NPR3: variants seen among roughly 807,000 people sequenced by gnomAD.
The protein encoded by NPR3 is natriuretic peptide receptor 3.
A neutral mutation model predicts 54.5 loss-of-function variants in NPR3; 34 were observed. The observed-to-expected ratio is 0.62, with a 90% CI of 0.47 to 0.83. The LOEUF is 0.83. NPR3 is among the 40% of genes least tolerant of loss of function. The pLI is 0.00. For synonymous variants in NPR3, 289 were observed against 297.1 expected, an observed-to-expected ratio of 0.97 and a Z score of 0.28; for missense variants, 674 against 720.8, an observed-to-expected ratio of 0.94 and a Z score of 0.74.
chr5:32,751,076 A>T (rs1440481683), intron 3 of NPR3, among the ~76,000 whole-genome samples: 5 of 152,160 alleles, frequency 3.3e-5, no homozygotes, highest in African/African-American at 1.2e-4. Flanking sequence ...TTCCCAGTGT[A>T]AGGAGACTTT....
intron 1 of NPR3, among the ~76,000 whole-genome samples, chr5:32,697,210 A>G (rs529508163): frequency 9.2e-5 from 14 of 152,158 alleles, no homozygotes; most frequent in Non-Finnish European, 1.8e-4. Flanking sequence ...ATTATATTCA[A>G]TGCTTTTTCA....
chr5:32,764,211 A>G (rs2112021514), intron 3 of NPR3, among the ~76,000 whole-genome samples: 1 of 152,248 alleles, frequency 6.6e-6, no homozygotes, highest in Admixed American at 6.5e-5. Flanking sequence ...GCAGAAGTTT[A>G]TGAAAGACTT....
chr5:32,775,167 G>A (rs1445700683), intron 4 of NPR3, among the ~76,000 whole-genome samples: 2 of 152,188 alleles, frequency 1.3e-5, no homozygotes, highest in Non-Finnish European at 2.9e-5. Context: ...TTTAAAACCA[G>A]TATTAATCCC....
chr5:32,713,312 A>G (rs1247736120), intron 1 of NPR3: 1 of 985,232 alleles, frequency 1.0e-6, no homozygotes, highest in Non-Finnish European at 1.2e-6. Flanking sequence ...AGTTTTCTCC[A>G]TGGGTCTTTG....
chr5:32,721,507 G>A (rs1442347078), intron 1 of NPR3, among the ~76,000 whole-genome samples: 1 of 152,130 alleles, frequency 6.6e-6, no homozygotes, highest in African/African-American at 2.4e-5. Context: ...GCCGGGTGTG[G>A]TAACATGCAC....
chr5:32,762,222 T>C (rs1561118682), intron 3 of NPR3, among the ~76,000 whole-genome samples: 1 of 152,136 alleles, frequency 6.6e-6, no homozygotes, highest in Non-Finnish European at 1.5e-5. Flanking sequence ...GTTCCAAGTC[T>C]TTGCTGTTGT....
chr5:32,772,302 G>T (rs1259853760), intron 3 of NPR3, among the ~76,000 whole-genome samples: 2 of 152,210 alleles, frequency 1.3e-5, no homozygotes, highest in African/African-American at 4.8e-5. Flanking sequence ...AGAGCTCTCT[G>T]AAGTGAGATG....
chr5:32,691,693 AC>A (rs1198373047), intron 1 of NPR3, among the ~76,000 whole-genome samples: 1 of 152,218 alleles, frequency 6.6e-6, no homozygotes, highest in African/African-American at 2.4e-5. Context: ...AAACACATAT[AC>A]CTTTGAGCTA....
chr5:32,760,092 A>G (rs1741076600), intron 3 of NPR3, among the ~76,000 whole-genome samples: 1 of 149,536 alleles, frequency 6.7e-6, no homozygotes, highest in African/African-American at 2.5e-5. Context: ...TAAATACGCC[A>G]TGATTTGTTT....
At chr5:32,721,938 T>C (rs931639933) in intron 1 of NPR3, among the ~76,000 whole-genome samples, 17 of 152,176 alleles carry the variant, frequency 1.1e-4, no homozygotes, top group Admixed American at 3.3e-4. Context: ...AGGTCTCTCT[T>C]CCTCTTCTTC....
chr5:32,703,941 A>G (rs1455480574), intron 1 of NPR3, among the ~76,000 whole-genome samples: 1 of 152,236 alleles, frequency 6.6e-6, no homozygotes, highest in Non-Finnish European at 1.5e-5. Flanking sequence ...CACAAATTGC[A>G]GTCCCTGTGG....
rs1195648214 is a variant in NPR3, at chr5:32,711,917, G to T, written c.141G>T (p.Ala47=). Reference sequence around the variant, plus strand: ...GCGGCGGACGCCAGGAGAGAGAGGCGCTGCCGCCACAGAAGATCGAGGTGC... The same window carrying T: ...GCGGCGGACGCCAGGAGAGAGAGGCTCTGCCGCCACAGAAGATCGAGGTGC... The part of the protein sequence containing the change: ...GIGGGRQERE[A]LPPQKIEVLV... Residue 47 remains alanine (A), a synonymous_variant, in exon 1 of 8, where the codon GCG becomes GCT. Coordinates refer to ENST00000265074, the MANE Select transcript of NPR3 (RefSeq NM_001204375.2). 1.3e-6 allele frequency: 2 copies of T among 1,495,710 alleles called. No homozygotes were observed. Among genetic ancestry groups the T allele is most frequent in the African/African-American group, 2.8e-5 (2 of 71,044 alleles). The allele number at this position is 1,495,710 out of a possible 1,614,324, so 92.7% of individuals were successfully genotyped here.
In NPR3 at chr5:32,711,747, C is replaced by T; in HGVS notation, c.-30C>T. 1 of 1,410,572 alleles carries T rather than the reference C, an allele frequency of 7.1e-7. No homozygotes were observed. Among genetic ancestry groups the T allele is most frequent in the South Asian group, 1.7e-5 (1 of 60,396 alleles). The allele number at this position is 1,410,572 out of a possible 1,614,324, so 87.4% of individuals were successfully genotyped here. On this transcript the variant is annotated 5_prime_UTR_variant, in exon 1 of 8. Transcript: ENST00000265074. ...TGGGGGGCAGAGGGCGAGTCGGCGG[C>T]GGCGAGGGCAAGCTCTTTCTTGCGG...
chr5:32,691,866 A>G (rs1416125364), intron 1 of NPR3, among the ~76,000 whole-genome samples: 2 of 152,256 alleles, frequency 1.3e-5, no homozygotes, highest in African/African-American at 4.8e-5. Context: ...ATGCAAAAGT[A>G]ATGATGTAGA....
intron 3 of NPR3, among the ~76,000 whole-genome samples, chr5:32,746,346 C>G (rs894885619): frequency 2.0e-5 from 3 of 152,138 alleles, no homozygotes; most frequent in Non-Finnish European, 4.4e-5. Flanking sequence ...CATCCATCAT[C>G]TGATTCTTAA....
intron 2 of NPR3, among the ~76,000 whole-genome samples, chr5:32,730,239 C>T (rs1211429652): frequency 6.6e-6 from 1 of 151,530 alleles, no homozygotes; most frequent in African/African-American, 2.4e-5. Context: ...AGATACAGAA[C>T]AAGCTTTTAA....
chr5:32,758,611 T>C (rs1293544791), intron 3 of NPR3, among the ~76,000 whole-genome samples: 2 of 152,198 alleles, frequency 1.3e-5, no homozygotes, highest in Non-Finnish European at 2.9e-5. Context: ...CCTTCAGTTC[T>C]TCTCTGATCT....
chr5:32,713,290 A>G, intron 1 of NPR3: 2 of 985,224 alleles, frequency 2.0e-6, no homozygotes, highest in Non-Finnish European at 2.4e-6. Flanking sequence ...CCTTCTTTCC[A>G]CCTGTCCCCC....
Position 32,712,199 on chromosome 5 carries a change from G to C in NPR3, c.423G>C (p.Ala141=), listed in dbSNP as rs1367954300. 6.2e-6 allele frequency: 10 copies of C among 1,612,862 alleles called. No individual in the cohort carries two copies. Among genetic ancestry groups the C allele is most frequent in the Non-Finnish European group, 8.5e-6 (10 of 1,179,690 alleles). ...ILGPVCEYAA[A]PVARLASHWD... ...GGCCAGTGTGCGAGTATGCAGCAGC[G>C]CCAGTGGCCCGGCTTGCATCGCACT... The change falls in exon 1 of 8, where the codon GCG becomes GCC. Residue 141 remains alanine, a synonymous_variant. Coordinates refer to ENST00000265074, the MANE Select transcript of NPR3 (RefSeq NM_001204375.2).
Sources: allele counts gnomAD v4.1 joint callset (sites outside exome capture counted in the v4.1 genomes callset), GRCh38; gene constraint gnomAD v4.1.1; transcripts MANE v1.5; gene names NCBI Gene and HGNC (gene_info 2026-07-23, HGNC 2026-07-21).